The following HEPH variants were observed in gnomAD, a reference collection of about 807,000 sequenced individuals.
HEPH encodes the protein hephaestin.
Under a neutral mutation model 80.8 loss-of-function variants are expected in HEPH, and 69 were observed. The observed-to-expected ratio is 0.85, with a 90% CI of 0.70 to 1.04. HEPH has a LOEUF of 1.04. Ranked by LOEUF, HEPH falls within the 50% of genes least tolerant of loss-of-function variation. HEPH has a pLI of 0.00. For missense variants in HEPH, 1,115 were observed against 891.3 expected, an observed-to-expected ratio of 1.25 and a Z score of -3.20; for synonymous variants, 431 against 322.8, an observed-to-expected ratio of 1.34 and a Z score of -3.60.
intron 20 of HEPH, among the ~76,000 whole-genome samples, chrX:66,265,457 T>C (rs1209159003): frequency 1.8e-5 from 2 of 110,715 alleles, no homozygotes; most frequent in Admixed American, 2.0e-4. Flanking sequence ...AATATGCCTC[T>C]GTGTTAGGTA....
intron 1 of HEPH, among the ~76,000 whole-genome samples, chrX:66,166,247 G>C (rs978102870): frequency 9.0e-6 from 1 of 111,581 alleles, no homozygotes; most frequent in Non-Finnish European, 1.9e-5. Context: ...AGGCTGGAGT[G>C]CAATGGTGCG....
intron 19 of HEPH, among the ~76,000 whole-genome samples, chrX:66,263,072 T>C (rs186907059): frequency 9.0e-6 from 1 of 111,127 alleles, no homozygotes; most frequent in Non-Finnish European, 1.9e-5. Flanking sequence ...AAGACTTCCA[T>C]AAATGAAGAG....
chrX:66,194,468 A>G (rs2087979115), intron 8 of HEPH, among the ~76,000 whole-genome samples: 1 of 112,047 alleles, frequency 8.9e-6, no homozygotes, highest in African/African-American at 3.2e-5. Context: ...TAGAGCCGGA[A>G]TAAGTGCCCA....
In HEPH at chrX:66,266,734, G is replaced by T; in HGVS notation, c.*62G>T. 1.3e-6 allele frequency: 1 copy of T among 780,610 alleles called. No homozygotes were observed. 64.3% of individuals were successfully genotyped at this position (780,610 alleles called of 1,213,427 possible). On this transcript the variant is annotated 3_prime_UTR_variant, in exon 21 of 21. Transcript: ENST00000343002. ...TGTAGTGCACTCCCAGCAGGCCATGGACTAGTCACTAACCCCACACTCAAA... is the reference window on the plus strand; with the variant it reads ...TGTAGTGCACTCCCAGCAGGCCATGTACTAGTCACTAACCCCACACTCAAA...
At chrX:66,190,805 C>T (rs1331082548) in intron 6 of HEPH, among the ~76,000 whole-genome samples, 1 of 111,546 alleles carries the variant, frequency 9.0e-6, no homozygotes, top group Non-Finnish European at 1.9e-5. Flanking sequence ...GGGACAGTTA[C>T]ATGTACTCCA....
intron 15 of HEPH, among the ~76,000 whole-genome samples, chrX:66,242,840 G>A (rs2090655141): frequency 9.0e-6 from 1 of 111,625 alleles, no homozygotes; most frequent in Admixed American, 9.5e-5. Context: ...CAGAGCAGCT[G>A]TTATTAAATA....
chrX:66,255,756 T>C (rs1480246454), intron 16 of HEPH, among the ~76,000 whole-genome samples: 14 of 111,366 alleles, frequency 1.3e-4, no homozygotes, highest in African/African-American at 4.6e-4. Context: ...CCTTGAAAGC[T>C]GAGTCACATT....
intron 15 of HEPH, among the ~76,000 whole-genome samples, chrX:66,248,344 A>G (rs1478186256): frequency 5.3e-5 from 6 of 112,241 alleles, no homozygotes; most frequent in Non-Finnish European, 1.1e-4. Context: ...TGGGATGAGA[A>G]TGTTTCCTTT....
At chrX:66,239,072 A>G (rs756319923) in intron 15 of HEPH, among the ~76,000 whole-genome samples, 3 of 112,456 alleles carry the variant, frequency 2.7e-5, no homozygotes, top group Non-Finnish European at 5.6e-5. Context: ...TGTTATGGCC[A>G]TCATGAACAT....
intron 4 of HEPH, among the ~76,000 whole-genome samples, chrX:66,175,636 T>A (rs758001325): frequency 8.9e-6 from 1 of 112,074 alleles, no homozygotes; most frequent in East Asian, 2.8e-4. Flanking sequence ...TACCCATCCA[T>A]GAGCAGGAGA....
At chrX:66,250,041 A>C (rs2090950106) in intron 15 of HEPH, among the ~76,000 whole-genome samples, 1 of 111,345 alleles carries the variant, frequency 9.0e-6, no homozygotes, top group Non-Finnish European at 1.9e-5. Context: ...TGGAGTCAGG[A>C]GGAACCTGAT....
intron 1 of HEPH, among the ~76,000 whole-genome samples, chrX:66,165,430 C>A (rs763798053): frequency 9.0e-6 from 1 of 111,623 alleles, no homozygotes; most frequent in South Asian, 3.8e-4. Context: ...GAAGACAGGG[C>A]CCCAAAGATG....
At chrX:66,199,053 G>T in intron 11 of HEPH, 25 bp downstream of exon 11, 1 of 1,187,143 alleles carries the variant, frequency 8.4e-7, no homozygotes, top group Non-Finnish European at 1.1e-6. Flanking sequence ...TTTGCCCTGG[G>T]CTAAATTGAG....
At chrX:66,231,441 CTT>C (rs1227122419) in intron 15 of HEPH, among the ~76,000 whole-genome samples, 2 of 104,765 alleles carry the variant, frequency 1.9e-5, no homozygotes, top group Non-Finnish European at 3.9e-5. Context: ...TTTGTATCCT[CTT>C]TTATTTCCTT....
At chrX:66,240,856 C>T (rs2090544698) in intron 15 of HEPH, among the ~76,000 whole-genome samples, 1 of 111,599 alleles carries the variant, frequency 9.0e-6, no homozygotes, top group African/African-American at 3.3e-5. Context: ...ATGAACATCC[C>T]CAATACACAT....
chrX:66,235,668 G>T (rs1345765765), intron 15 of HEPH, among the ~76,000 whole-genome samples: 1 of 111,480 alleles, frequency 9.0e-6, no homozygotes, highest in Non-Finnish European at 1.9e-5. Context: ...TTTTGCTTTG[G>T]TGAACTATTT....
intron 20 of HEPH, among the ~76,000 whole-genome samples, chrX:66,266,139 A>G (rs186420294): frequency 1.2e-3 from 125 of 107,358 alleles, no homozygotes; most frequent in African/African-American, 4.2e-3. Flanking sequence ...TTTTTTTTTT[A>G]TATCACAGTC....
intron 15 of HEPH, among the ~76,000 whole-genome samples, chrX:66,215,880 C>G (rs1033467070): frequency 8.9e-6 from 1 of 112,240 alleles, no homozygotes; most frequent in Non-Finnish European, 1.9e-5. Flanking sequence ...TGGAAATAAA[C>G]TCAGTGCTGT....
Position 66,198,874 on chromosome X carries a change from G to T in HEPH, c.1714-4G>T. The T allele has an allele frequency of 8.4e-7, 1 of 1,187,228 alleles. No homozygotes were observed. Among genetic ancestry groups the T allele is most frequent in the Non-Finnish European group, 1.1e-6 (1 of 873,843 alleles). ...CCCTCTACTTTCTTCTATTGGGCCTGCAGAAAGGGGTGGATAAAGAATTCT... is the reference window on the plus strand; with the variant it reads ...CCCTCTACTTTCTTCTATTGGGCCTTCAGAAAGGGGTGGATAAAGAATTCT... On this transcript the variant is annotated splice_polypyrimidine_tract_variant and splice_region_variant and intron_variant, in intron 10 of 20. Coordinates refer to ENST00000343002, the MANE Select transcript of HEPH (RefSeq NM_001367233.3).
Sources: allele counts gnomAD v4.1 joint callset (sites outside exome capture counted in the v4.1 genomes callset), GRCh38; gene constraint gnomAD v4.1.1; transcripts MANE v1.5; gene names NCBI Gene and HGNC (gene_info 2026-07-23, HGNC 2026-07-21).